The following ABR variants were observed in gnomAD, a reference collection of about 807,000 sequenced individuals.
ABR encodes the protein active breakpoint cluster region-related protein.
Under a neutral mutation model 107.2 loss-of-function variants are expected in ABR, and 35 were observed. The observed-to-expected ratio is 0.33, with a 90% CI of 0.25 to 0.43. ABR has a LOEUF of 0.43. Ranked by LOEUF, ABR falls within the 20% of genes least tolerant of loss-of-function variation. The probability of loss-of-function intolerance (pLI) is 1.00; values close to 1 mark genes in which losing one functional copy is unlikely to be tolerated. For missense variants in ABR, 815 were observed against 1,115.2 expected (o/e 0.73, Z 3.83); for synonymous variants, 498 against 462.0 (o/e 1.08, Z -1.00).
In ABR at chr17:1,036,871, C is replaced by T. The variant is rs116741356; in HGVS notation, c.1791+13179G>A. 9.2e-3 allele frequency among the ~76,000 whole-genome samples: 1,405 copies of T among 152,294 alleles called. 23 individuals are homozygous for T. The highest frequency in any genetic ancestry group is 0.032 in the African/African-American group (1,320 of 41,556). On this transcript the variant is annotated intron_variant, in intron 16 of 22. Coordinates refer to ENST00000302538, the MANE Select transcript of ABR (RefSeq NM_021962.5). ...CTCACTCTAGGTTTTTCTCCCCACC[C>T]ATCGGATACCTCTGGGTATTTGCAA... is the stretch of plus-strand genomic sequence containing the variant.
In ABR at chr17:1,051,085, G is replaced by A. The variant is rs75862212; in HGVS notation, c.1562-451C>T. On this transcript the variant is annotated intron_variant, in intron 14 of 22. Transcript: ENST00000302538. This position sits in a 1 kb window ranked among gnomAD's most constrained non-coding sequence, Gnocchi z 4.3. The stretch of plus-strand genomic sequence containing the variant: ...ACATGGGTGCCCAGGCCTCAACAGC[G>A]GCATTTGGGGTGGGAGGCGTTTAGC... Among the ~76,000 whole-genome samples, 1,176 of 152,256 alleles carry A rather than the reference G, an allele frequency of 7.7e-3. 24 individuals are homozygous for A. The highest frequency in any genetic ancestry group is 0.027 in the African/African-American group (1,118 of 41,544).
At chr17:1,172,291 C>A (rs75977215) in intron 1 of ABR, among the ~76,000 whole-genome samples, 4 of 152,178 alleles carry the variant, frequency 2.6e-5, no homozygotes, top group African/African-American at 9.7e-5. Flanking sequence ...AGCCTCCATA[C>A]GGGGGTGCCT....
intron 16 of ABR, among the ~76,000 whole-genome samples, chr17:1,018,284 C>T (rs1161597573): frequency 1.8e-4 from 28 of 152,232 alleles, no homozygotes; most frequent in South Asian, 1.7e-3. Flanking sequence ...CCTCGTGATT[C>T]GCCCACCTCG....
At chr17:1,193,950 T>C (rs2042494147) in intron 1 of ABR, among the ~76,000 whole-genome samples, 1 of 152,076 alleles carries the variant, frequency 6.6e-6, no homozygotes, top group African/African-American at 2.4e-5. Context: ...CACCTTGGCC[T>C]CTCAAAGTGC....
chr17:1,195,616 A>G (rs1380847451), intron 1 of ABR, among the ~76,000 whole-genome samples: 2 of 150,620 alleles, frequency 1.3e-5, no homozygotes, highest in Non-Finnish European at 3.0e-5. Context: ...CATCCTGGCT[A>G]ACACGGTGAA....
intron 1 of ABR, among the ~76,000 whole-genome samples, chr17:1,156,608 C>G (rs1245315706): frequency 1.3e-5 from 2 of 151,868 alleles, no homozygotes; most frequent in Non-Finnish European, 2.9e-5. Flanking sequence ...CACCTGAACC[C>G]GGGAGGCGGA....
intron 2 of ABR, among the ~76,000 whole-genome samples, chr17:1,102,523 C>A (rs1048002696): frequency 1.3e-5 from 2 of 152,138 alleles, no homozygotes; most frequent in African/African-American, 4.8e-5. Context: ...ACATAAAATA[C>A]AATAACACTA....
intron 14 of ABR, among the ~76,000 whole-genome samples, chr17:1,053,671 G>A (rs1423007676): frequency 2.0e-5 from 3 of 152,172 alleles, no homozygotes; most frequent in East Asian, 3.8e-4. Context: ...CAGGGGTGGC[G>A]GCGGCGAAGG....
At chr17:1,013,336 C>T (rs1044459962) in intron 16 of ABR, 172 bp from the exon 17 acceptor site, 4 of 699,394 alleles carry the variant, frequency 5.7e-6, no homozygotes, top group Non-Finnish European at 7.1e-6. Context: ...ACCCTAGCCC[C>T]CAGGCCCCTG....
Position 1,056,126 on chromosome 17 carries a change from C to A in ABR, c.1487-17G>T. ...ACTCATCGTCTGCAAGAGAGAAAAGCCCCCAGGGCAGAGGGTGGTCAGCGG... is the reference window on the plus strand; with the variant it reads ...ACTCATCGTCTGCAAGAGAGAAAAGACCCCAGGGCAGAGGGTGGTCAGCGG... On this transcript the variant is annotated splice_polypyrimidine_tract_variant and intron_variant, in intron 13 of 22. Transcript: ENST00000302538. The A allele has an allele frequency of 6.2e-7, 1 of 1,611,852 alleles. No homozygotes were observed. Among genetic ancestry groups the A allele is most frequent in the South Asian group, 1.1e-5 (1 of 91,040 alleles).
At chr17:1,096,584 C>T (rs962228234) in intron 3 of ABR, among the ~76,000 whole-genome samples, 1 of 152,194 alleles carries the variant, frequency 6.6e-6, no homozygotes, top group Non-Finnish European at 1.5e-5. Context: ...GCCCTCCTAC[C>T]ACAGACCTGG....
chr17:1,053,854 C>T (rs1036510271), intron 14 of ABR, among the ~76,000 whole-genome samples: 2 of 152,102 alleles, frequency 1.3e-5, no homozygotes, highest in Non-Finnish European at 2.9e-5. Flanking sequence ...GCGCCTGGTC[C>T]AGACATGGGT....
intron 1 of ABR, among the ~76,000 whole-genome samples, chr17:1,152,820 G>A (rs764416922): frequency 1.5e-4 from 22 of 151,546 alleles, no homozygotes; most frequent in Middle Eastern, 3.2e-3. Flanking sequence ...CAGGCCGGGC[G>A]CGGTGGGTCA....
At chr17:1,180,407 C>T (rs1392706095), upstream of ABR, among the ~76,000 whole-genome samples, 2 of 152,172 alleles carry the variant, frequency 1.3e-5, no homozygotes, top group Non-Finnish European at 2.9e-5. Context: ...ACGTCCTGCG[C>T]GCCGCGGGAC....
intron 1 of ABR, among the ~76,000 whole-genome samples, chr17:1,226,624 A>G (rs933484040): frequency 6.0e-5 from 9 of 150,456 alleles, no homozygotes; most frequent in African/African-American, 2.2e-4. Flanking sequence ...GTGTGTGTGC[A>G]TGTATGTACA....
rs530502160 is a variant in ABR, at chr17:1,153,081, T to A, written c.61+26586A>T. 7.9e-4 allele frequency among the ~76,000 whole-genome samples: 118 copies of A among 149,110 alleles called. 1 individual carries two copies. The Middle Eastern group carries it at 0.014, about 17-fold the overall frequency. On this transcript the variant is annotated intron_variant, in intron 1 of 22. Coordinates refer to ENST00000302538, the MANE Select transcript of ABR (RefSeq NM_021962.5). ...GAGTGAAACTCCGTTAAAAAAAAAA[T>A]TTTTGACACAGCCTGGGCAGGTTTA...
chr17:1,040,664 G>A (rs1045827222), intron 16 of ABR, among the ~76,000 whole-genome samples: 3 of 152,216 alleles, frequency 2.0e-5, no homozygotes, highest in Non-Finnish European at 4.4e-5. Context: ...GAAGGGGGTG[G>A]GGGACAGGGT....
chr17:1,213,826 G>A lies in ABR; in HGVS notation c.838+14967C>T, dbSNP rs1440962869. On this transcript the variant is annotated intron_variant, in intron 1 of 22. Coordinates refer to the ABR transcript ENST00000574139. ...ATGACAGACTCTATGGTTCCAAAGCGACAAAACTGTGAAAACAAGGCAGTC... is the reference window on the plus strand; with the variant it reads ...ATGACAGACTCTATGGTTCCAAAGCAACAAAACTGTGAAAACAAGGCAGTC... Among the ~76,000 whole-genome samples, 7 of 152,308 alleles carry A rather than the reference G, an allele frequency of 4.6e-5. No homozygotes were observed. In the South Asian group the frequency reaches 6.2e-4, roughly 14 times the overall value.
At position 1,011,291 on chromosome 17, in the gene ABR, C is replaced by T. The variant is rs1439335008; in HGVS notation, c.2102-428G>A. On this transcript the variant is annotated intron_variant, in intron 19 of 22. Transcript: ENST00000302538. This position sits in a 1 kb window ranked among gnomAD's most constrained non-coding sequence, Gnocchi z 4.8. The stretch of plus-strand genomic sequence containing the variant: ...ACAGAGGCACCAACGCCGGCCAGTT[C>T]CCAGGCCCCACCCCGTCCTCCACTC... 3 of 188,688 alleles carry T rather than the reference C, an allele frequency of 1.6e-5. No homozygotes were observed. The highest frequency in any genetic ancestry group is 3.3e-5 in the Non-Finnish European group (3 of 90,034). The allele number at this position is 188,688 out of a possible 1,614,324, so 11.7% of individuals were successfully genotyped here. A position where few individuals can be genotyped will look rare whatever the true frequency, so the allele number is the denominator to read the frequency against.
Sources: gnomAD v4.1 joint callset for allele counts (sites outside exome capture counted in the v4.1 genomes callset) on GRCh38, gnomAD v4.1.1 for gene constraint, Gnocchi (gnomAD v3.1) non-coding constraint, MANE v1.5 for transcripts, NCBI Gene and HGNC (gene_info 2026-07-23, HGNC 2026-07-21) for gene names.